Variants in MORN5 observed in about 807,000 individuals in gnomAD.
The protein encoded by MORN5 is MORN repeat containing 5.
Under a neutral mutation model 22.1 loss-of-function variants are expected in MORN5, and 21 were observed. That is an observed-to-expected ratio of 0.95 (90% CI 0.67 to 1.37). The LOEUF (loss-of-function observed/expected upper bound fraction) is 1.37. MORN5 is among the 40% of genes most tolerant of loss of function. The probability of loss-of-function intolerance (pLI) is 0.00; values close to 1 mark genes in which losing one functional copy is unlikely to be tolerated. For synonymous variants in MORN5, 73 were observed against 74.0 expected, an observed-to-expected ratio of 0.99 and a Z score of 0.07; for missense variants, 211 against 215.1, an observed-to-expected ratio of 0.98 and a Z score of 0.12.
chr9:122,191,879 A>G (rs1829776449), intron 4 of MORN5, among the ~76,000 whole-genome samples: 1 of 152,180 alleles, frequency 6.6e-6, no homozygotes, highest in Non-Finnish European at 1.5e-5. Context: ...CTCCCCCTCC[A>G]TCCTGGCAGG....
At chr9:122,179,363 TTTGA>T (rs1829500955) in intron 4 of MORN5, among the ~76,000 whole-genome samples, 1 of 152,208 alleles carries the variant, frequency 6.6e-6, no homozygotes, top group Admixed American at 6.5e-5. Flanking sequence ...GAAAGACTTC[TTTGA>T]TTACATATAG....
intron 4 of MORN5, among the ~76,000 whole-genome samples, chr9:122,192,362 A>G (rs996271590): frequency 6.6e-6 from 1 of 152,176 alleles, no homozygotes; most frequent in South Asian, 2.1e-4. Context: ...AGATGAGGAA[A>G]TGAGACCTAG....
chr9:122,199,215 A>G (rs774327745), intron 4 of MORN5, among the ~76,000 whole-genome samples: 1 of 152,214 alleles, frequency 6.6e-6, no homozygotes, highest in Non-Finnish European at 1.5e-5. Flanking sequence ...GCTCTCCCAC[A>G]TACTGACCCT....
chr9:122,180,184 G>A (rs113773640), intron 4 of MORN5, among the ~76,000 whole-genome samples: 4 of 151,752 alleles, frequency 2.6e-5, no homozygotes, highest in African/African-American at 9.6e-5. Context: ...CCTTCGACCC[G>A]CAGTAAGGAA....
chr9:122,165,337 T>C (rs1305921515), intron 1 of MORN5, among the ~76,000 whole-genome samples: 2 of 138,440 alleles, frequency 1.4e-5, no homozygotes, highest in Non-Finnish European at 3.0e-5. Flanking sequence ...GGCAGGAGGA[T>C]CATTTGAGCC....
chr9:122,164,470 G>A (rs1829247649), intron 1 of MORN5: 21 of 621,558 alleles, frequency 3.4e-5, no homozygotes, highest in Non-Finnish European at 4.2e-5. Context: ...CCCGTCCAGA[G>A]ATGGCTTACA....
intron 4 of MORN5, among the ~76,000 whole-genome samples, chr9:122,183,013 T>C (rs1236203523): frequency 6.6e-6 from 1 of 152,168 alleles, no homozygotes; most frequent in Non-Finnish European, 1.5e-5. Flanking sequence ...GCATGTCTGA[T>C]TTATAGTTGT....
chr9:122,181,140 G>A (rs1322922812), intron 4 of MORN5, among the ~76,000 whole-genome samples: 1 of 152,194 alleles, frequency 6.6e-6, no homozygotes, highest in Non-Finnish European at 1.5e-5. Flanking sequence ...TAACCCAGTG[G>A]CTCTCAGGAC....
In MORN5 at chr9:122,177,847, C is replaced by T. The variant is rs997384632; in HGVS notation, c.439+3220C>T. Among the ~76,000 whole-genome samples, 12 of 152,168 alleles carry T rather than the reference C, an allele frequency of 7.9e-5. 1 individual carries two copies. The highest frequency in any genetic ancestry group is 2.9e-4 in the African/African-American group (12 of 41,440). On this transcript the variant is annotated intron_variant, in intron 4 of 4. Transcript: ENST00000373764. ...AACAAATGTATATTTTTTTGTATAA[C>T]AAGTTTCAATGCATCCTTCATATTA... is the stretch of plus-strand genomic sequence containing the variant.
chr9:122,189,409 C>T (rs1234231881), intron 4 of MORN5, among the ~76,000 whole-genome samples: 34 of 151,962 alleles, frequency 2.2e-4, no homozygotes. Flanking sequence ...GCCTGGACAA[C>T]AATCCAAGAC....
At position 122,174,531 on chromosome 9, in the gene MORN5, A is replaced by G. The variant is rs1829417618; in HGVS notation, c.343A>G (p.Lys115Glu). The change falls in exon 4 of 5, where the codon AAA (lysine) becomes GAA (glutamate). Residue 115 changes from lysine to glutamate, a missense_variant. Transcript: ENST00000373764. ...AQLTNMDPPR[K>E]IPKGYYDCGD... ...ACTCACCAATATGGACCCACCTAGA[A>G]AAATCCCCAAGGGCTATTACGATTG... is the stretch of plus-strand genomic sequence containing the variant. 6.2e-7 allele frequency: 1 copy of G among 1,614,052 alleles called. No individual in the cohort carries two copies. Among genetic ancestry groups the G allele is most frequent in the South Asian group, 1.1e-5 (1 of 91,072 alleles).
chr9:122,180,221 C>T (rs1829515809), intron 4 of MORN5, among the ~76,000 whole-genome samples: 1 of 151,850 alleles, frequency 6.6e-6, no homozygotes, highest in Non-Finnish European at 1.5e-5. Flanking sequence ...CCAGGATACA[C>T]ACAGGTGCAC....
Position 122,173,353 on chromosome 9 carries a change from G to A in MORN5, c.308-1143G>A, listed in dbSNP as rs190086936. Among the ~76,000 whole-genome samples, 663 of 152,354 alleles carry A rather than the reference G, an allele frequency of 4.4e-3. 5 individuals are homozygous for A. Among genetic ancestry groups the A allele is most frequent in the African/African-American group, 0.015 (644 of 41,586 alleles). On this transcript the variant is annotated intron_variant, in intron 3 of 4. Transcript: ENST00000373764. Reference sequence around the variant, plus strand: ...TCGAGCATCTGTGAGATGGGCATTGGCATGAGGCTTTGGTGAGAGAATGGC... The same window carrying A: ...TCGAGCATCTGTGAGATGGGCATTGACATGAGGCTTTGGTGAGAGAATGGC...
intron 4 of MORN5, among the ~76,000 whole-genome samples, chr9:122,193,874 A>T (rs1588318176): frequency 2.0e-5 from 3 of 152,254 alleles, no homozygotes; most frequent in Admixed American, 2.0e-4. Flanking sequence ...GGGAGCTGGG[A>T]GGGAAGCGGG....
At chr9:122,172,570 G>A (rs1022360371) in intron 3 of MORN5, among the ~76,000 whole-genome samples, 4 of 151,966 alleles carry the variant, frequency 2.6e-5, no homozygotes, top group Non-Finnish European at 5.9e-5. Context: ...TCAGCTCAAC[G>A]TCCTGAAGCT....
chr9:122,195,659 T>C (rs1223249112), intron 4 of MORN5, among the ~76,000 whole-genome samples: 3 of 152,184 alleles, frequency 2.0e-5, no homozygotes, highest in Non-Finnish European at 4.4e-5. Flanking sequence ...CTTACCAATG[T>C]TGCTGTTAAC....
intron 2 of MORN5, among the ~76,000 whole-genome samples, chr9:122,167,909 G>A (rs1210736440): frequency 2.0e-5 from 3 of 152,054 alleles, no homozygotes; most frequent in Non-Finnish European, 4.4e-5. Context: ...GCATCACTCC[G>A]ACCTCTGCTT....
rs113372157 is a variant in MORN5 at position 122,197,252 on chromosome 9, GT to G, written c.440-2628del. ...CAATTGATTAAAGAGTTTGTGGGGT[GT>G]TTTTCCCCCATCTTTTTTCTCCCTC... On this transcript the variant is annotated intron_variant, in intron 4 of 4. Coordinates refer to ENST00000373764, the MANE Select transcript of MORN5 (RefSeq NM_198469.4). The surrounding 1 kb of genome is among the most constrained non-coding windows in gnomAD (Gnocchi z 5.7). Among the ~76,000 whole-genome samples the G allele has an allele frequency of 1.2e-4, 18 of 150,782 alleles. No homozygotes were observed. Among genetic ancestry groups the G allele is most frequent in the Admixed American group, 4.6e-4 (7 of 15,132 alleles).
rs551307352 is a variant in MORN5, at chr9:122,189,137, G to A, written c.440-10748G>A. Among the ~76,000 whole-genome samples, 24 of 152,084 alleles carry A rather than the reference G, an allele frequency of 1.6e-4. No homozygotes were observed. The South Asian group carries it at 5.0e-3, about 32-fold the overall frequency. ...TTGAACCTGGGAAATGGAGGTTGCA[G>A]TGAGCCAAGATCACGCCACTGCACT... On this transcript the variant is annotated intron_variant, in intron 4 of 4. Coordinates refer to ENST00000373764, the MANE Select transcript of MORN5 (RefSeq NM_198469.4).
Sources: gnomAD v4.1 joint callset for allele counts (sites outside exome capture counted in the v4.1 genomes callset) on GRCh38, gnomAD v4.1.1 for gene constraint, Gnocchi (gnomAD v3.1) non-coding constraint, MANE v1.5 for transcripts, NCBI Gene and HGNC (gene_info 2026-07-23, HGNC 2026-07-21) for gene names.